Variants in NCOA7 observed in about 807,000 individuals in gnomAD.
NCOA7 encodes the protein nuclear receptor coactivator 7, also known as 140 kDa estrogen receptor-associated protein.
NCOA7 carries 45 observed loss-of-function variants against 104.3 expected under a neutral mutation model. The ratio of observed to expected loss-of-function variants is 0.43; its 90% CI spans 0.34 to 0.55. The LOEUF (loss-of-function observed/expected upper bound fraction) is 0.55, where lower values mean the gene tolerates loss of function less well. Ranked by LOEUF, NCOA7 falls within the 20% of genes least tolerant of loss-of-function variation. The pLI is 0.02. For synonymous variants in NCOA7, 398 were observed against 402.3 expected (o/e 0.99, Z 0.13); for missense variants, 1,041 against 1,119.7 (o/e 0.93, Z 1.00).
intron 2 of NCOA7, among the ~76,000 whole-genome samples, chr6:125,829,865 T>G (rs1583316894): frequency 6.6e-6 from 1 of 152,206 alleles, no homozygotes; most frequent in Admixed American, 6.5e-5. Context: ...AAGTGTCAGG[T>G]TCATGTTAAC....
intron 1 of NCOA7, among the ~76,000 whole-genome samples, chr6:125,801,951 C>T (rs779903084): frequency 1.2e-4 from 19 of 152,100 alleles, no homozygotes; most frequent in Non-Finnish European, 2.4e-4. Context: ...TCAACCATTA[C>T]GTATAGATAT....
chr6:125,920,742 C>T (rs1012710811), intron 11 of NCOA7, among the ~76,000 whole-genome samples: 1 of 152,136 alleles, frequency 6.6e-6, no homozygotes, highest in African/African-American at 2.4e-5. Context: ...TACATATTAA[C>T]TGCCTCGATT....
intron 2 of NCOA7, among the ~76,000 whole-genome samples, chr6:125,853,154 T>C (rs991989394): frequency 1.3e-5 from 2 of 152,080 alleles, no homozygotes; most frequent in African/African-American, 4.8e-5. Context: ...TTCTTTTTTT[T>C]GTTCTCTTTC....
At chr6:125,854,298 T>G (rs1781370967) in intron 2 of NCOA7, among the ~76,000 whole-genome samples, 1 of 152,174 alleles carries the variant, frequency 6.6e-6, no homozygotes, top group Non-Finnish European at 1.5e-5. Flanking sequence ...CTGAAAATAT[T>G]TTGAGGTATT....
intron 2 of NCOA7, among the ~76,000 whole-genome samples, chr6:125,829,455 G>A (rs978607874): frequency 3.9e-5 from 6 of 152,210 alleles, no homozygotes; most frequent in Non-Finnish European, 8.8e-5. Flanking sequence ...TGTTTTAAAT[G>A]AAGGATGCTA....
At position 125,889,432 on chromosome 6, in the gene NCOA7, G is replaced by A. The variant is rs1409819363; in HGVS notation, c.1378G>A (p.Glu460Lys). The A allele has an allele frequency of 1.2e-6, 2 of 1,614,010 alleles. No individual in the cohort carries two copies. Among genetic ancestry groups the A allele is most frequent in the Non-Finnish European group, 1.7e-6 (2 of 1,179,962 alleles). Residue 460 changes from glutamate (E) to lysine (K), a missense_variant, in exon 9 of 16, where the codon GAA becomes AAA. Coordinates refer to ENST00000392477, the MANE Select transcript of NCOA7 (RefSeq NM_181782.5). ...AESQINNSAV[E>K]MQVQSALAFL... is the part of the protein sequence containing the mutation. ...GTCACAAATAAACAATTCTGCCGTG[G>A]AAATGCAGGTGCAGTCAGCCCTAGC...
intron 10 of NCOA7, among the ~76,000 whole-genome samples, chr6:125,894,277 CA>C (rs1464777034): frequency 6.6e-6 from 1 of 152,102 alleles, no homozygotes; most frequent in East Asian, 1.9e-4. Context: ...CAGACATTGC[CA>C]AAATGTCCTC....
intron 1 of NCOA7, among the ~76,000 whole-genome samples, chr6:125,794,099 C>G (rs982006940): frequency 6.6e-6 from 1 of 152,164 alleles, no homozygotes; most frequent in African/African-American, 2.4e-5. Context: ...AACACCCCCC[C>G]ATATGCCCAC....
chr6:125,821,420 C>A (rs961699256), intron 2 of NCOA7, among the ~76,000 whole-genome samples: 2 of 152,120 alleles, frequency 1.3e-5, no homozygotes, highest in African/African-American at 4.8e-5. Flanking sequence ...CTGCCATGTG[C>A]CCCTTTAGTT....
chr6:125,888,281 A>G (rs1190597905), intron 8 of NCOA7, among the ~76,000 whole-genome samples: 1 of 152,202 alleles, frequency 6.6e-6, no homozygotes, highest in Non-Finnish European at 1.5e-5. Flanking sequence ...TTACTTTTCT[A>G]TACATTTTTA....
At chr6:125,863,163 G>A (rs557758909) in intron 3 of NCOA7, among the ~76,000 whole-genome samples, 2 of 138,718 alleles carry the variant, frequency 1.4e-5, no homozygotes, top group South Asian at 4.3e-4. Flanking sequence ...GAGCATGAAT[G>A]TTCACAGTTA....
In NCOA7 at chr6:125,928,922, G is replaced by C. The variant is rs541622931; in HGVS notation, c.*151G>C. On this transcript the variant is annotated 3_prime_UTR_variant, in exon 16 of 16. Coordinates refer to ENST00000392477, the MANE Select transcript of NCOA7 (RefSeq NM_181782.5). ...CATCTCAGAGCATGATCACATTGCA[G>C]AAAGATTCTGGAAGGTCCATGTAGA... 267 of 825,818 alleles carry C rather than the reference G, an allele frequency of 3.2e-4. No individual in the cohort carries two copies. In the African/African-American group the frequency reaches 4.3e-3, roughly 13 times the overall value. 51.2% of individuals were successfully genotyped at this position (825,818 alleles called of 1,614,324 possible). A position where few individuals can be genotyped will look rare whatever the true frequency, so the allele number is the denominator to read the frequency against.
rs34991763 is a variant in NCOA7, at chr6:125,904,519, C to T, written c.2097-10814C>T. 3.9e-3 allele frequency among the ~76,000 whole-genome samples: 588 copies of T among 152,274 alleles called. 1 individual carries two copies. The highest frequency in any genetic ancestry group is 6.4e-3 in the Non-Finnish European group (436 of 68,024). On this transcript the variant is annotated intron_variant, in intron 10 of 15. Transcript: ENST00000392477. ...CCAATGCCATGTCTTTGCATGGGTT[C>T]CCTCCAGTAGAATGCTGTTTCTCCT...
intron 10 of NCOA7, among the ~76,000 whole-genome samples, chr6:125,893,916 C>G (rs1028673403): frequency 1.1e-4 from 16 of 152,156 alleles, no homozygotes; most frequent in African/African-American, 3.6e-4. Context: ...CTTATGTCCT[C>G]CCTGTCTCCA....
At chr6:125,799,859 G>A (rs1250379563) in intron 1 of NCOA7, among the ~76,000 whole-genome samples, 2 of 152,148 alleles carry the variant, frequency 1.3e-5, no homozygotes, top group Non-Finnish European at 2.9e-5. Flanking sequence ...TTGTTGTGTT[G>A]ATGACATTCT....
At position 125,878,325 on chromosome 6, in the gene NCOA7, G is replaced by A. The variant is rs780464834; in HGVS notation, c.414G>A (p.Leu138=). ...ALKFNITPNK[L]VELNKLFTHT... is the part of the protein sequence containing the mutation. Reference sequence around the variant, plus strand: ...AATTTAACATCACTCCCAATAAATTGGTGGAACTGAATAAACTTTTCACAC... The same window carrying A: ...AATTTAACATCACTCCCAATAAATTAGTGGAACTGAATAAACTTTTCACAC... The change falls in exon 5 of 16, where the codon TTG becomes TTA. Residue 138 remains leucine, a synonymous_variant. Transcript: ENST00000392477. 4.3e-6 allele frequency: 7 copies of A among 1,612,618 alleles called. No homozygotes were observed. The highest frequency in any genetic ancestry group is 5.9e-6 in the Non-Finnish European group (7 of 1,179,384).
chr6:125,845,769 A>G (rs1032125054), intron 2 of NCOA7, among the ~76,000 whole-genome samples: 1 of 152,202 alleles, frequency 6.6e-6, no homozygotes, highest in African/African-American at 2.4e-5. Context: ...CTGTCTCAAA[A>G]AAACAAAAAA....
chr6:125,794,885 T>C (rs1057374323), intron 1 of NCOA7, among the ~76,000 whole-genome samples: 1 of 152,234 alleles, frequency 6.6e-6, no homozygotes, highest in Non-Finnish European at 1.5e-5. Flanking sequence ...CATTTTTAGC[T>C]GAAGGGCTAG....
At chr6:125,896,155 T>G (rs1358514486) in intron 10 of NCOA7, among the ~76,000 whole-genome samples, 2 of 151,766 alleles carry the variant, frequency 1.3e-5, no homozygotes, top group South Asian at 2.1e-4. Flanking sequence ...CTTTTGAATT[T>G]TTGGCCATTA....
Sources: gnomAD v4.1 joint callset for allele counts (sites outside exome capture counted in the v4.1 genomes callset) on GRCh38, gnomAD v4.1.1 for gene constraint, MANE v1.5 for transcripts, NCBI Gene and HGNC (gene_info 2026-07-23, HGNC 2026-07-21) for gene names.